The following PRKCB variants were observed in gnomAD, a reference collection of about 807,000 sequenced individuals.
The protein encoded by PRKCB is protein kinase C beta.
A neutral mutation model predicts 81.5 loss-of-function variants in PRKCB; 13 were observed. The observed-to-expected ratio is 0.16, with a 90% CI of 0.10 to 0.25. The LOEUF is 0.25. Among genes scored for constraint, PRKCB ranks in the 10% least tolerant of loss-of-function variants. The probability of loss-of-function intolerance (pLI) is 1.00; values close to 1 mark genes in which losing one functional copy is unlikely to be tolerated. For synonymous variants in PRKCB, 335 were observed against 321.4 expected, an observed-to-expected ratio of 1.04 and a Z score of -0.45; for missense variants, 509 against 875.7, an observed-to-expected ratio of 0.58 and a Z score of 5.29.
At chr16:23,958,512 C>G (rs192829410) in intron 2 of PRKCB, among the ~76,000 whole-genome samples, 1 of 151,086 alleles carries the variant, frequency 6.6e-6, no homozygotes, top group East Asian at 2.0e-4. Context: ...ACCATATTGG[C>G]CAGGCTGATC....
intron 16 of PRKCB, among the ~76,000 whole-genome samples, chr16:24,214,047 G>A (rs141914293): frequency 6.6e-6 from 1 of 152,194 alleles, no homozygotes; most frequent in Non-Finnish European, 1.5e-5. Flanking sequence ...CTAACCAGGG[G>A]CCTCGTGGTT....
At position 24,030,233 on chromosome 16, in the gene PRKCB, A is replaced by G. The variant is rs568949042; in HGVS notation, c.289-1903A>G. On this transcript the variant is annotated intron_variant, in intron 3 of 16. Transcript: ENST00000643927. ...AACAGAGAAAGCAACTTTTACAGAA[A>G]GAGTTCTCTTGAACTAAAACCAATT... Among the ~76,000 whole-genome samples, 3 of 152,360 alleles carry G rather than the reference A, an allele frequency of 2.0e-5. No homozygotes were observed. The South Asian group carries it at 6.2e-4, about 32-fold the overall frequency.
intron 5 of PRKCB, among the ~76,000 whole-genome samples, chr16:24,088,208 C>A (rs1403033188): frequency 6.6e-6 from 1 of 152,192 alleles, no homozygotes. Context: ...CAGCTACTGT[C>A]AACTGCTCAT....
chr16:24,182,503 T>A (rs931856167), intron 13 of PRKCB, among the ~76,000 whole-genome samples: 1 of 152,120 alleles, frequency 6.6e-6, no homozygotes, highest in African/African-American at 2.4e-5. Context: ...CCTGGGCGAC[T>A]GAGCGAGACT....
chr16:23,884,647 A>G (rs577439204), intron 2 of PRKCB, among the ~76,000 whole-genome samples: 1 of 151,850 alleles, frequency 6.6e-6, no homozygotes, highest in Admixed American at 6.6e-5. Context: ...CAATCCTCCC[A>G]CCTCAGCCTC....
intron 7 of PRKCB, chr16:24,110,930 T>A (rs1240338623): frequency 6.6e-6 from 1 of 152,216 alleles, no homozygotes; most frequent in African/African-American, 2.4e-5. Flanking sequence ...TCCTTTAAAA[T>A]TAAATTTATT....
chr16:24,049,857 G>A (rs768110029), intron 5 of PRKCB, among the ~76,000 whole-genome samples: 4 of 152,138 alleles, frequency 2.6e-5, no homozygotes, highest in African/African-American at 9.7e-5. Flanking sequence ...CCTGTGTATC[G>A]CTCAGGGAAT....
chr16:23,967,765 G>A (rs567133184), intron 2 of PRKCB, among the ~76,000 whole-genome samples: 83 of 152,214 alleles, frequency 5.5e-4, no homozygotes, highest in Non-Finnish European at 9.0e-4. Flanking sequence ...AGATTCTCCT[G>A]CCTCAGCCTC....
intron 3 of PRKCB, among the ~76,000 whole-genome samples, chr16:23,990,652 A>G (rs916105601): frequency 4.0e-5 from 6 of 150,670 alleles, no homozygotes; most frequent in Non-Finnish European, 5.9e-5. Flanking sequence ...GGCTCTAGCA[A>G]CCCCCCCACC....
intron 2 of PRKCB, among the ~76,000 whole-genome samples, chr16:23,923,701 T>C (rs181405186): frequency 2.6e-5 from 4 of 152,102 alleles, no homozygotes; most frequent in Non-Finnish European, 5.9e-5. Context: ...GGTGTGTTTG[T>C]GCAGCTCTAA....
intron 2 of PRKCB, among the ~76,000 whole-genome samples, chr16:23,877,829 T>C (rs1963040797): frequency 7.1e-6 from 1 of 141,778 alleles, no homozygotes; most frequent in African/African-American, 2.6e-5. Flanking sequence ...CAGTCACTTC[T>C]TTTTTTTTTT....
At chr16:24,122,090 G>T (rs1386111723) in intron 8 of PRKCB, among the ~76,000 whole-genome samples, 1 of 152,234 alleles carries the variant, frequency 6.6e-6, no homozygotes, top group Non-Finnish European at 1.5e-5. Context: ...GTGTTTTAGA[G>T]AAAATCAAGT....
At chr16:23,894,573 T>A (rs1963343612) in intron 2 of PRKCB, among the ~76,000 whole-genome samples, 1 of 152,326 alleles carries the variant, frequency 6.6e-6, no homozygotes, top group African/African-American at 2.4e-5. Context: ...CTGTCTTGAA[T>A]GTCCAGCTTC....
At chr16:23,984,845 A>G (rs1413261334) in intron 2 of PRKCB, among the ~76,000 whole-genome samples, 1 of 152,158 alleles carries the variant, frequency 6.6e-6, no homozygotes, top group Non-Finnish European at 1.5e-5. Context: ...GGGAAAGCTC[A>G]GGGATGGGGC....
In PRKCB at chr16:24,167,350, T is replaced by A. The variant is rs115970400; in HGVS notation, c.1240-4920T>A. On this transcript the variant is annotated intron_variant, in intron 10 of 16. Transcript: ENST00000643927. The stretch of plus-strand genomic sequence containing the variant: ...TTGGTCTGAGAAATAAAAACCATTT[T>A]CTAAAAATTAGTCAGTGTGGGCAAC... 5.7e-3 allele frequency among the ~76,000 whole-genome samples: 872 copies of A among 152,094 alleles called. 5 individuals carry two copies. Among genetic ancestry groups the A allele is most frequent in the African/African-American group, 0.02 (811 of 41,496 alleles).
chr16:24,095,743 G>T (rs1567372391), intron 7 of PRKCB, among the ~76,000 whole-genome samples: 1 of 152,004 alleles, frequency 6.6e-6, no homozygotes, highest in Non-Finnish European at 1.5e-5. Context: ...TAGGTTGGCG[G>T]TCTGGTCGGG....
chr16:24,105,090 T>C (rs1285870749), intron 7 of PRKCB, among the ~76,000 whole-genome samples: 1 of 151,172 alleles, frequency 6.6e-6, no homozygotes, highest in African/African-American at 2.4e-5. Context: ...AGAGTCTCAC[T>C]CTATCGCCCA....
intron 16 of PRKCB, among the ~76,000 whole-genome samples, chr16:24,195,946 C>T (rs574805456): frequency 5.1e-4 from 77 of 152,234 alleles, no homozygotes; most frequent in African/African-American, 1.8e-3. Flanking sequence ...CTGGGATGCC[C>T]GAAGCCCTTT....
chr16:23,975,285 C>G (rs962101477), intron 2 of PRKCB, among the ~76,000 whole-genome samples: 5 of 152,244 alleles, frequency 3.3e-5, no homozygotes, highest in African/African-American at 9.6e-5. Context: ...GCATTTGTCT[C>G]TGGGCTTCAA....
Sources: allele counts gnomAD v4.1 joint callset (sites outside exome capture counted in the v4.1 genomes callset), GRCh38; gene constraint gnomAD v4.1.1; transcripts MANE v1.5; gene names NCBI Gene and HGNC (gene_info 2026-07-23, HGNC 2026-07-21).